Variants in GNG12 observed in about 807,000 individuals in gnomAD.
The protein encoded by GNG12 is G protein subunit gamma 12.
For synonymous variants in GNG12, 28 were observed against 29.7 expected (o/e 0.94, Z 0.19); for missense variants, 69 against 83.8 (o/e 0.82, Z 0.69).
chr1:67,799,393 T>C (rs900865407), intron 1 of GNG12, among the ~76,000 whole-genome samples: 3 of 152,218 alleles, frequency 2.0e-5, no homozygotes, highest in African/African-American at 7.2e-5. Flanking sequence ...CTTAGGATAA[T>C]AAATCCCCAG....
At chr1:67,707,199 T>C (rs1046116738) in intron 3 of GNG12, among the ~76,000 whole-genome samples, 5 of 152,260 alleles carry the variant, frequency 3.3e-5, no homozygotes, top group African/African-American at 4.8e-5. Flanking sequence ...GACTGCTGAC[T>C]TCTTACGTGA....
At chr1:67,732,227 C>T (rs935632739) in intron 2 of GNG12, among the ~76,000 whole-genome samples, 2 of 152,214 alleles carry the variant, frequency 1.3e-5, no homozygotes, top group African/African-American at 4.8e-5. Flanking sequence ...ATGAAGTGTA[C>T]GTGAGGAATA....
At chr1:67,813,260 T>C (rs2243499) in intron 1 of GNG12, among the ~76,000 whole-genome samples, 91,861 of 151,888 alleles carry the variant, frequency 0.6, 27,994 homozygotes, top group Middle Eastern at 0.73. Context: ...ACAAGAAAAA[T>C]TTCTCTAAAT....
intron 1 of GNG12, among the ~76,000 whole-genome samples, chr1:67,832,649 C>G (rs1647054394): frequency 6.6e-6 from 1 of 152,146 alleles, no homozygotes; most frequent in African/African-American, 2.4e-5. Flanking sequence ...CTCAACCTCC[C>G]CCTTACCACT....
chr1:67,742,219 T>C (rs909830901), intron 2 of GNG12, among the ~76,000 whole-genome samples: 3 of 152,222 alleles, frequency 2.0e-5, no homozygotes, highest in African/African-American at 7.2e-5. Flanking sequence ...AAAAGACTCA[T>C]CCACCACAAT....
intron 1 of GNG12, among the ~76,000 whole-genome samples, chr1:67,832,696 C>T (rs997381340): frequency 1.3e-5 from 2 of 152,304 alleles, no homozygotes; most frequent in South Asian, 2.1e-4. Context: ...CCTCGGGTCC[C>T]CACTCGGGGG....
rs59348663 is a variant in GNG12, at chr1:67,766,106, G to GCACACACACACACACACACA, written c.-27+11332_-27+11351dup. Among the ~76,000 whole-genome samples, 166 of 139,914 alleles carry GCACACACACACACACACACA rather than the reference G, an allele frequency of 1.2e-3. 1 individual carries two copies. The highest frequency in any genetic ancestry group is 4.4e-3 in the African/African-American group (163 of 36,836). 91.8% of individuals were successfully genotyped at this position (139,914 alleles called of 152,430 possible). ...AACTCAAACAAAACAAGGCACACAC[G>GCACACACACACACACACACA]CACACACACACACACACACACACAC... On this transcript the variant is annotated intron_variant, in intron 2 of 3. Coordinates refer to ENST00000370982, the MANE Select transcript of GNG12 (RefSeq NM_018841.6).
chr1:67,811,192 T>A (rs1187382557), intron 1 of GNG12, among the ~76,000 whole-genome samples: 1 of 152,172 alleles, frequency 6.6e-6, no homozygotes, highest in Admixed American at 6.5e-5. Context: ...AGAGGAATCC[T>A]TTCTTCAAAA....
intron 2 of GNG12, among the ~76,000 whole-genome samples, chr1:67,733,865 T>C (rs1646435685): frequency 6.6e-6 from 1 of 152,144 alleles, no homozygotes; most frequent in Non-Finnish European, 1.5e-5. Flanking sequence ...GCCCAGAAGA[T>C]GAGCCTGCAG....
intron 1 of GNG12, among the ~76,000 whole-genome samples, chr1:67,797,142 A>G (rs764723983): frequency 6.6e-6 from 1 of 152,198 alleles, no homozygotes; most frequent in Admixed American, 6.5e-5. Context: ...ACAAACATCC[A>G]AACTAAATCA....
At chr1:67,739,401 G>GT (rs11438575) in intron 2 of GNG12, among the ~76,000 whole-genome samples, 8,495 of 152,218 alleles carry the variant, frequency 0.056, 717 homozygotes, top group African/African-American at 0.18. Context: ...ACAATGACCG[G>GT]TATGATCTTC....
chr1:67,751,700 G>C (rs1012135629), intron 2 of GNG12, among the ~76,000 whole-genome samples: 3 of 152,198 alleles, frequency 2.0e-5, no homozygotes, highest in African/African-American at 7.2e-5. Context: ...ATCCTGAAAA[G>C]AAATCTAAGT....
At chr1:67,714,023 T>C (rs1387786954) in intron 2 of GNG12, among the ~76,000 whole-genome samples, 2 of 152,192 alleles carry the variant, frequency 1.3e-5, no homozygotes, top group Admixed American at 1.3e-4. Flanking sequence ...TCATGAGCAG[T>C]TCTTATTTAT....
intron 2 of GNG12, among the ~76,000 whole-genome samples, chr1:67,768,799 A>G (rs1243557835): frequency 6.6e-6 from 1 of 152,208 alleles, no homozygotes; most frequent in Non-Finnish European, 1.5e-5. Context: ...TAAAATGTAT[A>G]CATATAAAAA....
chr1:67,741,263 T>C (rs1216757612), intron 2 of GNG12, among the ~76,000 whole-genome samples: 1 of 152,232 alleles, frequency 6.6e-6, no homozygotes, highest in Non-Finnish European at 1.5e-5. Flanking sequence ...TTGGGAGAAA[T>C]AAACACGTCA....
At chr1:67,724,178 G>T (rs998812495) in intron 2 of GNG12, among the ~76,000 whole-genome samples, 2 of 152,150 alleles carry the variant, frequency 1.3e-5, no homozygotes, top group African/African-American at 4.8e-5. Flanking sequence ...AAACTAGGGA[G>T]AGTGAAGATG....
chr1:67,776,592 T>C (rs533629287), intron 2 of GNG12, among the ~76,000 whole-genome samples: 34 of 152,278 alleles, frequency 2.2e-4, no homozygotes, highest in South Asian at 1.5e-3. Flanking sequence ...ATGAGATACA[T>C]GGCTTAGTCA....
chr1:67,730,517 G>A (rs1468676005), intron 2 of GNG12, among the ~76,000 whole-genome samples: 5 of 147,534 alleles, frequency 3.4e-5, no homozygotes, highest in African/African-American at 1.2e-4. Context: ...AACCGCCCCC[G>A]CACCGACCCC....
chr1:67,819,137 G>A (rs187564002), intron 1 of GNG12, among the ~76,000 whole-genome samples: 3 of 152,258 alleles, frequency 2.0e-5, no homozygotes, highest in Admixed American at 2.0e-4. Flanking sequence ...CAGACATGCG[G>A]GCGCTTTAGG....
Sources: allele counts gnomAD v4.1 joint callset (sites outside exome capture counted in the v4.1 genomes callset), GRCh38; gene constraint gnomAD v4.1.1; transcripts MANE v1.5; gene names NCBI Gene and HGNC (gene_info 2026-07-23, HGNC 2026-07-21).